Variants in TSGA10 observed in about 807,000 individuals in gnomAD.
TSGA10 encodes testis-specific gene 10 protein.
A neutral mutation model predicts 96.6 loss-of-function variants in TSGA10; 43 were observed. That is an observed-to-expected ratio of 0.44 (90% CI 0.35 to 0.57). TSGA10 has a LOEUF of 0.57. Ranked by LOEUF, TSGA10 falls within the 20% of genes least tolerant of loss-of-function variation. The pLI, the probability that TSGA10 is intolerant of heterozygous loss-of-function variation, is 0.01. For missense variants in TSGA10, 703 were observed against 834.4 expected (o/e 0.84, Z 1.94); for synonymous variants, 229 against 269.9 (o/e 0.85, Z 1.48).
At chr2:99,147,089 T>C in intron 1 of TSGA10, 1 of 185,028 alleles carries the variant, frequency 5.4e-6, no homozygotes, top group South Asian at 1.6e-4. Flanking sequence ...CTCTGTCATA[T>C]TCTACTGATT....
At chr2:99,122,185 G>A (rs1042998261) in intron 2 of TSGA10, among the ~76,000 whole-genome samples, 1 of 152,146 alleles carries the variant, frequency 6.6e-6, no homozygotes, top group African/African-American at 2.4e-5. Context: ...TTGAAATCAT[G>A]AAGAGTTTTG....
intron 10 of TSGA10, among the ~76,000 whole-genome samples, chr2:99,087,234 C>T (rs373693735): frequency 4.0e-5 from 6 of 151,392 alleles, no homozygotes; most frequent in African/African-American, 1.5e-4. Context: ...AGGCCAGGCA[C>T]GGTAGCTAAT....
At chr2:99,018,762 A>T (rs555997806) in intron 18 of TSGA10, 122 bp from the exon 19 acceptor site, 461 of 796,548 alleles carry the variant, frequency 5.8e-4, no homozygotes, top group Non-Finnish European at 8.2e-4. Context: ...TGTGATTTTT[A>T]TGGCCAGATT....
At chr2:99,065,239 C>A in intron 15 of TSGA10, 115 bp from the exon 16 acceptor site, 1 of 1,136,830 alleles carries the variant, frequency 8.8e-7, no homozygotes, top group Non-Finnish European at 1.2e-6. Context: ...ATAATAGAAC[C>A]CTGAGGAAAT....
At chr2:99,131,209 G>A (rs547247687) in intron 1 of TSGA10, among the ~76,000 whole-genome samples, 1 of 152,170 alleles carries the variant, frequency 6.6e-6, no homozygotes, top group East Asian at 1.9e-4. Context: ...ATAAAATACT[G>A]TGGGCAGTAT....
intron 17 of TSGA10, among the ~76,000 whole-genome samples, chr2:99,028,774 G>T (rs1464453836): frequency 1.3e-5 from 2 of 152,052 alleles, no homozygotes; most frequent in African/African-American, 2.4e-5. Flanking sequence ...CTTCTAACTG[G>T]TCTATTGTTT....
intron 16 of TSGA10, among the ~76,000 whole-genome samples, chr2:99,048,312 A>T (rs1164140515): frequency 6.6e-6 from 1 of 152,214 alleles, no homozygotes; most frequent in Non-Finnish European, 1.5e-5. Context: ...ATGCTACTGG[A>T]CTTCAAACTA....
chr2:99,113,115 T>C (rs527933171), intron 4 of TSGA10, among the ~76,000 whole-genome samples: 157 of 152,162 alleles, frequency 1.0e-3, no homozygotes, highest in African/African-American at 3.7e-3. Context: ...TGTTAACACA[T>C]GAATGATAAA....
rs1167854716 is a variant in TSGA10, at chr2:99,074,000, C to CTTTTTTTTTTTTTTTTTTT, written c.883-946_883-928dup. On this transcript the variant is annotated intron_variant, in intron 12 of 20. Coordinates refer to ENST00000393483, the MANE Select transcript of TSGA10 (RefSeq NM_025244.4). ...AACCAATTCTGTTCCTGTTTCTTTT[C>CTTTTTTTTTTTTTTTTTTT]TTTTTTTTTTTTTTTTTTTTTTTTT... is the stretch of plus-strand genomic sequence containing the variant. 7.8e-3 allele frequency among the ~76,000 whole-genome samples: 413 copies of CTTTTTTTTTTTTTTTTTTT among 52,620 alleles called. 103 individuals carry two copies. The highest frequency in any genetic ancestry group is 0.013 in the African/African-American group (179 of 13,348). 34.5% of individuals were successfully genotyped at this position (52,620 alleles called of 152,430 possible). A position where few individuals can be genotyped will look rare whatever the true frequency, so the allele number is the denominator to read the frequency against.
chr2:99,027,516 A>G (rs1308142573), intron 17 of TSGA10, among the ~76,000 whole-genome samples: 1 of 152,218 alleles, frequency 6.6e-6, no homozygotes, highest in Non-Finnish European at 1.5e-5. Context: ...ATAATTCAAA[A>G]TTGCTAAAAG....
chr2:99,044,102 A>G (rs775022796), intron 16 of TSGA10, among the ~76,000 whole-genome samples: 37 of 152,210 alleles, frequency 2.4e-4, no homozygotes, highest in South Asian at 1.9e-3. Context: ...CATCAACACT[A>G]TGAAGAAACT....
At chr2:99,090,696 T>G (rs1394402040) in intron 10 of TSGA10, among the ~76,000 whole-genome samples, 2 of 152,106 alleles carry the variant, frequency 1.3e-5, no homozygotes, top group Non-Finnish European at 1.5e-5. Flanking sequence ...GACAAGATTT[T>G]CAAAATAACC....
chr2:99,071,702 G>A lies in TSGA10; in HGVS notation c.1107+4C>T. 1 of 1,608,652 alleles carries A rather than the reference G, an allele frequency of 6.2e-7. No homozygotes were observed. Among genetic ancestry groups the A allele is most frequent in the East Asian group, 2.2e-5 (1 of 44,652 alleles). ...GGAGAAAATGATTCTAGGAACAAGT[G>A]TACCTGGTTTTCTTGTTTAGCTTTA... On this transcript the variant is annotated splice_donor_region_variant and intron_variant, in intron 14 of 20. Transcript: ENST00000393483.
rs530983691 is a variant in TSGA10 at position 99,041,755 on chromosome 2, C to T, written c.1405-6316G>A. Among the ~76,000 whole-genome samples the T allele has an allele frequency of 4.1e-4, 63 of 152,258 alleles. 4 individuals are homozygous for T. In the South Asian group the frequency reaches 0.013, roughly 31 times the overall value. ...AGAACATCGGAAAAACCCTTCTAGA[C>T]ATTGGCTTAGGCAAACCCTTCATTA... On this transcript the variant is annotated intron_variant, in intron 16 of 20. Coordinates refer to ENST00000393483, the MANE Select transcript of TSGA10 (RefSeq NM_025244.4).
chr2:98,998,351 C>CA (rs1017733237), intron 20 of TSGA10, 130 bp from the exon 21 acceptor site: 1 of 701,684 alleles, frequency 1.4e-6, no homozygotes, highest in African/African-American at 1.8e-5. Flanking sequence ...TGAAGGAAAA[C>CA]AAAAAACAAT....
intron 1 of TSGA10, chr2:99,148,461 T>C (rs1406323795): frequency 1.3e-5 from 2 of 152,196 alleles, no homozygotes; most frequent in African/African-American, 2.4e-5. Context: ...CTAATTGTTA[T>C]ATTAATATTT....
At chr2:99,114,301 T>C (rs148425592) in intron 4 of TSGA10, among the ~76,000 whole-genome samples, 2 of 152,212 alleles carry the variant, frequency 1.3e-5, no homozygotes, top group African/African-American at 4.8e-5. Context: ...ATATCTAATG[T>C]CTTAGGATGA....
At chr2:99,092,653 G>A (rs1379107525) in intron 10 of TSGA10, among the ~76,000 whole-genome samples, 4 of 151,894 alleles carry the variant, frequency 2.6e-5, no homozygotes, top group East Asian at 3.9e-4. Context: ...ACCTTCACAC[G>A]CATAAACTAG....
At chr2:99,002,508 C>T (rs2078028932) in intron 20 of TSGA10, among the ~76,000 whole-genome samples, 1 of 152,212 alleles carries the variant, frequency 6.6e-6, no homozygotes, top group Non-Finnish European at 1.5e-5. Flanking sequence ...AAAGGAACAA[C>T]TGGTACCAGC....
Sources: gnomAD v4.1 joint callset for allele counts (sites outside exome capture counted in the v4.1 genomes callset) on GRCh38, gnomAD v4.1.1 for gene constraint, MANE v1.5 for transcripts, NCBI Gene and HGNC (gene_info 2026-07-23, HGNC 2026-07-21) for gene names.